PACRGL: variants seen among roughly 807,000 people sequenced by gnomAD.
PACRGL encodes the protein PACRG-like protein.
In PACRGL, 38 loss-of-function variants were observed where a neutral mutation model predicts 34.5. The observed-to-expected ratio is 1.10, with a 90% confidence interval of 0.85 to 1.44. The LOEUF (loss-of-function observed/expected upper bound fraction) is 1.44. Among genes scored for constraint, PACRGL ranks in the 40% most tolerant of loss-of-function variants. The pLI, the probability that PACRGL is intolerant of heterozygous loss-of-function variation, is 0.00. For missense variants in PACRGL, 305 were observed against 281.4 expected (o/e 1.08, Z -0.60); for synonymous variants, 128 against 100.1 (o/e 1.28, Z -1.66).
downstream of PACRGL, among the ~76,000 whole-genome samples, chr4:20,733,448 A>G (rs1306553157): frequency 1.3e-5 from 2 of 152,198 alleles, no homozygotes; most frequent in South Asian, 2.1e-4. Context: ...ATTGTTGCAC[A>G]TTTGTTTCAC....
At chr4:20,707,653 T>C (rs1735136525) in intron 3 of PACRGL, 150 bp from the exon 4 acceptor site, 1 of 680,208 alleles carries the variant, frequency 1.5e-6, no homozygotes, top group Non-Finnish European at 2.6e-6. Context: ...GGTATTCTAG[T>C]AGAGAGAGGA....
chr4:20,711,260 A>AG (rs1210512419), intron 5 of PACRGL, among the ~76,000 whole-genome samples: 3 of 152,138 alleles, frequency 2.0e-5, no homozygotes, highest in Admixed American at 2.0e-4. Flanking sequence ...ATATCCTTAA[A>AG]GGGACTCTAA....
chr4:20,752,621 TA>T (rs1456214718), exon 9 of PACRGL: 2 of 152,188 alleles, frequency 1.3e-5, no homozygotes, highest in African/African-American at 4.8e-5. Context: ...TTCTGCTCAA[TA>T]AAAGACAAGA....
chr4:20,734,870 G>T (rs553516998), downstream of PACRGL: 2 of 476,810 alleles, frequency 4.2e-6, no homozygotes, highest in South Asian at 6.6e-5. Context: ...GTTATTGGTT[G>T]TCTAGTTTTC....
Position 20,721,204 on chromosome 4 carries a change from GT to G in PACRGL, c.610-3602del, listed in dbSNP as rs1295712508. Among the ~76,000 whole-genome samples, 4 of 152,152 alleles carry G rather than the reference GT, an allele frequency of 2.6e-5. No homozygotes were observed. In the East Asian group the frequency reaches 7.8e-4, roughly 29 times the overall value. On this transcript the variant is annotated intron_variant, in intron 7 of 8. Transcript: ENST00000503585. ...GTCATTTAAGGTCCTCTCTACACTG[GT>G]TATTCTAGTTAGCCATTCATCTAAT...
At chr4:20,757,643 C>G (rs942620692), downstream of PACRGL, among the ~76,000 whole-genome samples, 1 of 152,112 alleles carries the variant, frequency 6.6e-6, no homozygotes, top group Non-Finnish European at 1.5e-5. Flanking sequence ...TCCCTACTGC[C>G]TTTTAAAGCG....
chr4:20,709,970 A>G (rs1736356990), intron 5 of PACRGL, 197 bp downstream of exon 5: 2 of 489,418 alleles, frequency 4.1e-6, no homozygotes, highest in Non-Finnish European at 7.2e-6. Context: ...AATGAGCTTT[A>G]TAAACATGGA....
chr4:20,699,295 A>T (rs1731461765), upstream of PACRGL, among the ~76,000 whole-genome samples: 1 of 152,096 alleles, frequency 6.6e-6, no homozygotes, highest in Non-Finnish European at 1.5e-5. Context: ...GGCATTGGGG[A>T]TAGAAAAGCA....
Position 20,730,201 on chromosome 4 carries a change from G to A in PACRGL, c.*2860G>A. 3 of 1,502,854 alleles carry A rather than the reference G, an allele frequency of 2.0e-6. No homozygotes were observed. The highest frequency in any genetic ancestry group is 2.7e-6 in the Non-Finnish European group (3 of 1,123,064). The allele number at this position is 1,502,854 out of a possible 1,614,324, so 93.1% of individuals were successfully genotyped here. The stretch of plus-strand genomic sequence containing the variant: ...GAAAAGTACACTATTTTGCCCCTGA[G>A]TATTGCCTCCTCCCATCAACCACCT... On this transcript the variant is annotated 3_prime_UTR_variant, in exon 9 of 9. Transcript: ENST00000503585.
At chr4:20,725,931 A>G (rs948304999) in intron 8 of PACRGL, among the ~76,000 whole-genome samples, 2 of 152,038 alleles carry the variant, frequency 1.3e-5, no homozygotes, top group East Asian at 1.9e-4. Context: ...AGCTAATCCC[A>G]TGTCTCCTCT....
At position 20,731,077 on chromosome 4, in the gene PACRGL, T is replaced by C. The variant is rs1189905450; in HGVS notation, c.*3736T>C. 6.6e-6 allele frequency among the ~76,000 whole-genome samples: 1 copy of C among 152,098 alleles called. No individual in the cohort carries two copies. Among genetic ancestry groups the C allele is most frequent in the Non-Finnish European group, 1.5e-5 (1 of 68,012 alleles). The stretch of plus-strand genomic sequence containing the variant: ...TTGTTTTCAGGATTATTTGAAAAAT[T>C]CTTTTTTTCTTTTTTTAGTTTTGAG... On this transcript the variant is annotated 3_prime_UTR_variant, in exon 9 of 9. Coordinates refer to ENST00000503585, the MANE Select transcript of PACRGL (RefSeq NM_001258345.3).
At chr4:20,707,513 A>G (rs897385639) in intron 3 of PACRGL, among the ~76,000 whole-genome samples, 32 of 152,234 alleles carry the variant, frequency 2.1e-4, no homozygotes, top group Admixed American at 2.0e-3. Context: ...CCCCTTCTCC[A>G]TAGAGTCCTC....
At chr4:20,737,209 G>A (rs898121101), downstream of PACRGL, among the ~76,000 whole-genome samples, 3 of 152,192 alleles carry the variant, frequency 2.0e-5, no homozygotes, top group Non-Finnish European at 4.4e-5. Context: ...ACAGAGAGGA[G>A]AAGCTGGCAA....
downstream of PACRGL, among the ~76,000 whole-genome samples, chr4:20,737,454 G>A (rs1251793867): frequency 1.3e-5 from 2 of 152,110 alleles, no homozygotes; most frequent in Non-Finnish European, 2.9e-5. Flanking sequence ...GTCAGAAATG[G>A]GCTGTGCTCT....
At chr4:20,725,450 G>T (rs1745255053) in intron 8 of PACRGL, among the ~76,000 whole-genome samples, 1 of 151,996 alleles carries the variant, frequency 6.6e-6, no homozygotes, top group South Asian at 2.1e-4. Flanking sequence ...AAAATATGGA[G>T]GATTTCATAA....
At chr4:20,715,421 AAT>A (rs1288543415) in intron 7 of PACRGL, among the ~76,000 whole-genome samples, 1 of 152,044 alleles carries the variant, frequency 6.6e-6, no homozygotes, top group Admixed American at 6.6e-5. Flanking sequence ...CTTAAAGTAT[AAT>A]AATAATAAAA....
chr4:20,718,391 G>T (rs1364103565), intron 7 of PACRGL, among the ~76,000 whole-genome samples: 1 of 152,126 alleles, frequency 6.6e-6, no homozygotes, highest in Non-Finnish European at 1.5e-5. Context: ...GTGAGAGAGG[G>T]CATCCCTGTC....
chr4:20,766,177 A>C, the PACRGL span, among the ~76,000 whole-genome samples: 5 of 152,188 alleles, frequency 3.3e-5, no homozygotes, highest in Admixed American at 3.3e-4. Context: ...CATTTTACAA[A>C]TGAATGAACT....
Position 20,707,813 on chromosome 4 carries a change from A to G in PACRGL, c.218A>G (p.Gln73Arg). 1 of 1,613,514 alleles carries G rather than the reference A, an allele frequency of 6.2e-7. No individual in the cohort carries two copies. Among genetic ancestry groups the G allele is most frequent in the South Asian group, 1.1e-5 (1 of 91,048 alleles). The change falls in exon 4 of 9, where the codon CAG becomes CGG. Residue 73 changes from glutamine (Q) to arginine (R), a missense_variant. Physicochemically the swap from Gln to Arg is conservative, Grantham distance 43. Coordinates refer to ENST00000503585, the MANE Select transcript of PACRGL (RefSeq NM_001258345.3). ...NPKTINPFGE[Q>R]SRVPSAFAAI... ...CATTTTTTATTTTAGTTTGGTGAAC[A>G]GTCACGAGTGCCTTCTGCATTTGCA... is the stretch of plus-strand genomic sequence containing the variant.
Sources: gnomAD v4.1 joint callset for allele counts (sites outside exome capture counted in the v4.1 genomes callset) on GRCh38, gnomAD v4.1.1 for gene constraint, MANE v1.5 for transcripts, NCBI Gene and HGNC (gene_info 2026-07-23, HGNC 2026-07-21) for gene names.